MACROD2: variants seen among roughly 807,000 people sequenced by gnomAD.
MACROD2 encodes the protein mono-ADP ribosylhydrolase 2, also known as ADP-ribose glycohydrolase MACROD2.
Under a neutral mutation model 70.4 loss-of-function variants are expected in MACROD2, and 36 were observed. The observed-to-expected ratio is 0.51, with a 90% CI of 0.39 to 0.68. The LOEUF is 0.68. Among genes scored for constraint, MACROD2 ranks in the 30% least tolerant of loss-of-function variants. The probability of loss-of-function intolerance (pLI) is 0.00; values close to 1 mark genes in which losing one functional copy is unlikely to be tolerated. For synonymous variants in MACROD2, 172 were observed against 178.8 expected, an observed-to-expected ratio of 0.96 and a Z score of 0.30; for missense variants, 496 against 538.4, an observed-to-expected ratio of 0.92 and a Z score of 0.78.
At chr20:14,020,964 A>G (rs367691266) in intron 2 of MACROD2, among the ~76,000 whole-genome samples, 5 of 146,698 alleles carry the variant, frequency 3.4e-5, no homozygotes, top group Admixed American at 6.8e-5. Flanking sequence ...ATTCCCCTGT[A>G]TACACAACTG....
intron 3 of MACROD2, among the ~76,000 whole-genome samples, chr20:14,230,387 C>T (rs1374322731): frequency 6.6e-6 from 1 of 151,920 alleles, no homozygotes; most frequent in Non-Finnish European, 1.5e-5. Flanking sequence ...ATAGCATTTT[C>T]AAAAGGAGTA....
intron 5 of MACROD2, among the ~76,000 whole-genome samples, chr20:14,861,615 G>A (rs201206835): frequency 2.0e-5 from 3 of 151,840 alleles, no homozygotes; most frequent in African/African-American, 2.4e-5. Context: ...GGGAAAATGG[G>A]TGAATAACCA....
chr20:14,297,387 C>A (rs940240976), intron 3 of MACROD2, among the ~76,000 whole-genome samples: 19 of 151,862 alleles, frequency 1.3e-4, no homozygotes, highest in Admixed American at 3.9e-4. Context: ...ATACAGTTAG[C>A]CAAGTTGGGA....
At chr20:14,638,650 G>T (rs1324939562) in intron 4 of MACROD2, among the ~76,000 whole-genome samples, 2 of 152,128 alleles carry the variant, frequency 1.3e-5, no homozygotes, top group East Asian at 1.9e-4. Context: ...TGAGGTTGTT[G>T]TAAGAATTAA....
intron 6 of MACROD2, among the ~76,000 whole-genome samples, chr20:15,313,605 C>T (rs1193316769): frequency 6.6e-6 from 1 of 152,014 alleles, no homozygotes; most frequent in Admixed American, 6.6e-5. Flanking sequence ...TGGAATCCCT[C>T]CTAGTGCTCT....
At chr20:15,381,246 C>A (rs2045640021) in intron 6 of MACROD2, among the ~76,000 whole-genome samples, 1 of 151,980 alleles carries the variant, frequency 6.6e-6, no homozygotes, top group African/African-American at 2.4e-5. Context: ...TTTACCAGCA[C>A]AGCGCTGTGA....
At chr20:14,350,412 T>TCC (rs2083112107) in intron 3 of MACROD2, among the ~76,000 whole-genome samples, 1 of 152,100 alleles carries the variant, frequency 6.6e-6, no homozygotes, top group Non-Finnish European at 1.5e-5. Flanking sequence ...GTCTTTTGGA[T>TCC]AAAAGACAGG....
intron 4 of MACROD2, among the ~76,000 whole-genome samples, chr20:14,516,871 G>A (rs1379848966): frequency 6.6e-6 from 1 of 152,128 alleles, no homozygotes; most frequent in Non-Finnish European, 1.5e-5. Flanking sequence ...TCAAAAAGTG[G>A]ACAAAAGATA....
intron 4 of MACROD2, among the ~76,000 whole-genome samples, chr20:14,556,122 T>G (rs1372380818): frequency 1.3e-5 from 2 of 152,074 alleles, no homozygotes; most frequent in African/African-American, 2.4e-5. Flanking sequence ...AGTCAAACCC[T>G]CTAAGATATT....
intron 6 of MACROD2, among the ~76,000 whole-genome samples, chr20:15,408,060 C>A (rs939061623): frequency 6.6e-6 from 1 of 152,168 alleles, no homozygotes; most frequent in East Asian, 1.9e-4. Flanking sequence ...GTGGTCATTT[C>A]AATTTGCTGG....
intron 6 of MACROD2, among the ~76,000 whole-genome samples, chr20:15,253,409 G>A (rs2077172511): frequency 6.6e-6 from 1 of 152,178 alleles, no homozygotes; most frequent in African/African-American, 2.4e-5. Flanking sequence ...AAGAAACTCA[G>A]CTATGCAGCA....
chr20:14,749,374 TACTAA>T (rs2071840120), intron 5 of MACROD2, among the ~76,000 whole-genome samples: 1 of 148,692 alleles, frequency 6.7e-6, no homozygotes, highest in Admixed American at 6.7e-5. Flanking sequence ...TTTCCTAATA[TACTAA>T]AAAGAAAGGG....
chr20:14,441,561 T>A (rs2084123762), intron 3 of MACROD2, among the ~76,000 whole-genome samples: 1 of 152,196 alleles, frequency 6.6e-6, no homozygotes, highest in Non-Finnish European at 1.5e-5. Flanking sequence ...CAGCTTCCAA[T>A]AAAGATGCTT....
intron 4 of MACROD2, among the ~76,000 whole-genome samples, chr20:14,601,554 G>GA (rs969265130): frequency 1.5e-4 from 23 of 151,694 alleles, no homozygotes; most frequent in African/African-American, 5.3e-4. Flanking sequence ...TATCAGAAGG[G>GA]AAAAAACAAA....
chr20:15,119,225 G>T (rs2076013343), intron 5 of MACROD2, among the ~76,000 whole-genome samples: 1 of 152,114 alleles, frequency 6.6e-6, no homozygotes, highest in African/African-American at 2.4e-5. Flanking sequence ...CGTAAGTTTT[G>T]CCTATCTAGT....
intron 5 of MACROD2, among the ~76,000 whole-genome samples, chr20:15,090,767 T>G (rs2075787040): frequency 6.6e-6 from 1 of 151,978 alleles, no homozygotes; most frequent in Non-Finnish European, 1.5e-5. Context: ...TGAGATAAAC[T>G]GAGTTTTGGA....
intron 6 of MACROD2, among the ~76,000 whole-genome samples, chr20:15,241,741 A>G (rs2082950366): frequency 1.3e-5 from 2 of 149,474 alleles, no homozygotes; most frequent in African/African-American, 5.0e-5. Flanking sequence ...GTAAAAAAAT[A>G]GATATTTAGG....
intron 4 of MACROD2, among the ~76,000 whole-genome samples, chr20:14,600,560 A>G (rs941123861): frequency 1.3e-5 from 2 of 152,140 alleles, no homozygotes; most frequent in Non-Finnish European, 2.9e-5. Flanking sequence ...TGTACTGTTC[A>G]AATGTTAATT....
intron 3 of MACROD2, among the ~76,000 whole-genome samples, chr20:14,436,846 G>A (rs1444405962): frequency 1.3e-5 from 2 of 152,196 alleles, no homozygotes; most frequent in Non-Finnish European, 2.9e-5. Flanking sequence ...GTGAGACACA[G>A]TGATGTGTAT....
Sources: allele counts gnomAD v4.1 joint callset (sites outside exome capture counted in the v4.1 genomes callset), GRCh38; gene constraint gnomAD v4.1.1; transcripts MANE v1.5; gene names NCBI Gene and HGNC (gene_info 2026-07-23, HGNC 2026-07-21).